The following PLD5 variants were observed in gnomAD, a reference collection of about 807,000 sequenced individuals.
PLD5 encodes inactive phospholipase D5.
Under a neutral mutation model 61.1 loss-of-function variants are expected in PLD5, and 36 were observed. The observed-to-expected ratio is 0.59, with a 90% CI of 0.45 to 0.78. The LOEUF is 0.78. Ranked by LOEUF, PLD5 falls within the 30% of genes least tolerant of loss-of-function variation. The probability of loss-of-function intolerance (pLI) is 0.00; values close to 1 mark genes in which losing one functional copy is unlikely to be tolerated. For missense variants in PLD5, 515 were observed against 644.4 expected, an observed-to-expected ratio of 0.80 and a Z score of 2.17; for synonymous variants, 243 against 242.8, an observed-to-expected ratio of 1.00 and a Z score of -0.01.
At chr1:242,113,209 C>G (rs1661675218) in intron 7 of PLD5, among the ~76,000 whole-genome samples, 1 of 151,526 alleles carries the variant, frequency 6.6e-6, no homozygotes, top group African/African-American at 2.4e-5. Context: ...CCCGCCTCAG[C>G]CTCCCGAGTA....
At chr1:242,324,149 A>G (rs1415794804) in intron 2 of PLD5, among the ~76,000 whole-genome samples, 1 of 151,998 alleles carries the variant, frequency 6.6e-6, no homozygotes, top group East Asian at 1.9e-4. Context: ...TTGTAAATGC[A>G]TTTAAAGAGG....
intron 5 of PLD5, among the ~76,000 whole-genome samples, chr1:242,144,123 C>T (rs558254655): frequency 1.3e-5 from 2 of 152,198 alleles, no homozygotes; most frequent in South Asian, 4.1e-4. Flanking sequence ...CCCACCTTGG[C>T]CTCCCAAAAT....
intron 5 of PLD5, among the ~76,000 whole-genome samples, chr1:242,184,177 C>T (rs1250375237): frequency 2.6e-5 from 4 of 152,152 alleles, no homozygotes. Flanking sequence ...TTACAGCAAA[C>T]ACCAAAATCC....
chr1:242,267,946 C>T (rs190854315), intron 3 of PLD5, among the ~76,000 whole-genome samples: 2 of 149,712 alleles, frequency 1.3e-5, no homozygotes, highest in Non-Finnish European at 3.0e-5. Flanking sequence ...GAGACAGAGG[C>T]AACCAGAGAG....
At chr1:242,362,885 C>T (rs1255708720) in intron 1 of PLD5, among the ~76,000 whole-genome samples, 1 of 152,204 alleles carries the variant, frequency 6.6e-6, no homozygotes, top group African/African-American at 2.4e-5. Flanking sequence ...AAATGTACAT[C>T]ACCAGCCCAG....
At chr1:242,331,938 C>G (rs1216127000) in intron 2 of PLD5, among the ~76,000 whole-genome samples, 1 of 152,092 alleles carries the variant, frequency 6.6e-6, no homozygotes, top group African/African-American at 2.4e-5. Flanking sequence ...GCAGAACGTG[C>G]AGGTTTGTTA....
chr1:242,255,634 G>A (rs1672973149), intron 4 of PLD5, among the ~76,000 whole-genome samples: 1 of 152,192 alleles, frequency 6.6e-6, no homozygotes, highest in Non-Finnish European at 1.5e-5. Context: ...TCAGATTTAG[G>A]AATATATTTT....
At chr1:242,168,650 T>A (rs316894) in intron 5 of PLD5, among the ~76,000 whole-genome samples, 12,748 of 152,152 alleles carry the variant, frequency 0.084, 717 homozygotes, top group African/African-American at 0.16. Context: ...CCAAGCTTGT[T>A]GGGAATGAGT....
chr1:242,083,267 T>C lies in PLD5; in HGVS notation c.*6587A>G, dbSNP rs1259839495. ...GTTCAAACTCCCTAAAAGAGGGCCG[T>C]GATTGGTGGGGCCAGGTACCATCAA... On this transcript the variant is annotated 3_prime_UTR_variant, in exon 10 of 10. Coordinates refer to ENST00000536534, the MANE Select transcript of PLD5 (RefSeq NM_001372062.1). The C allele has an allele frequency of 6.6e-6, 1 of 152,246 alleles. No individual in the cohort carries two copies. Among genetic ancestry groups the C allele is most frequent in the Non-Finnish European group, 1.5e-5 (1 of 68,066 alleles). The allele number at this position is 152,246 out of a possible 1,614,324, so 9.4% of individuals were successfully genotyped here.
intron 1 of PLD5, among the ~76,000 whole-genome samples, chr1:242,458,927 AT>A (rs1441749188): frequency 6.6e-6 from 1 of 152,194 alleles, no homozygotes; most frequent in Non-Finnish European, 1.5e-5. Flanking sequence ...TTTTACATTA[AT>A]TGCAATAATA....
intron 3 of PLD5, among the ~76,000 whole-genome samples, chr1:242,280,889 T>C (rs1266459958): frequency 1.3e-5 from 2 of 152,244 alleles, no homozygotes; most frequent in Non-Finnish European, 2.9e-5. Context: ...ACAAAGTAGA[T>C]GCTGACTGTT....
intron 1 of PLD5, among the ~76,000 whole-genome samples, chr1:242,403,888 A>T (rs1260969765): frequency 6.6e-6 from 1 of 152,056 alleles, no homozygotes; most frequent in Admixed American, 6.6e-5. Flanking sequence ...AACTAGATGA[A>T]CTCTGAGGTT....
intron 2 of PLD5, among the ~76,000 whole-genome samples, chr1:242,289,654 C>A (rs1428677667): frequency 6.6e-6 from 1 of 152,192 alleles, no homozygotes; most frequent in African/African-American, 2.4e-5. Flanking sequence ...TGCACCCAGC[C>A]TCCTGCAATT....
chr1:242,431,377 A>G (rs1240295249), intron 1 of PLD5, among the ~76,000 whole-genome samples: 1 of 152,252 alleles, frequency 6.6e-6, no homozygotes, highest in Non-Finnish European at 1.5e-5. Flanking sequence ...GCCACCATGG[A>G]TAATCTTTTC....
Position 242,303,004 on chromosome 1 carries a change from G to A in PLD5, c.327-14474C>T, listed in dbSNP as rs1287786136. On this transcript the variant is annotated intron_variant, in intron 2 of 9. Coordinates refer to ENST00000536534, the MANE Select transcript of PLD5 (RefSeq NM_001372062.1). ...TCTCCTGGATATTTTGATGGAGTAGGGGACCGAATATCAGAATCTGTGATG... is the reference window on the plus strand; with the variant it reads ...TCTCCTGGATATTTTGATGGAGTAGAGGACCGAATATCAGAATCTGTGATG... Among the ~76,000 whole-genome samples, 6 of 152,072 alleles carry A rather than the reference G, an allele frequency of 3.9e-5. No individual in the cohort carries two copies. The East Asian group carries it at 7.7e-4, about 20-fold the overall frequency.
chr1:242,306,919 T>C (rs181341256), intron 2 of PLD5, among the ~76,000 whole-genome samples: 1 of 152,410 alleles, frequency 6.6e-6, no homozygotes, highest in African/African-American at 2.4e-5. Flanking sequence ...ATAGTGAAAT[T>C]ATACTAAGCT....
At chr1:242,090,238 T>A (rs1659713992) in intron 9 of PLD5, 128 bp from the exon 10 acceptor site, 5 of 1,241,750 alleles carry the variant, frequency 4.0e-6, no homozygotes, top group Non-Finnish European at 5.5e-6. Context: ...AGAGGCTGAA[T>A]TGTGTTGACA....
At position 242,464,368 on chromosome 1, in the gene PLD5, C is replaced by T. The variant is rs539256813; in HGVS notation, c.189+59720G>A. Among the ~76,000 whole-genome samples, 4 of 152,294 alleles carry T rather than the reference C, an allele frequency of 2.6e-5. No individual in the cohort carries two copies. The South Asian group carries it at 8.3e-4, about 32-fold the overall frequency. On this transcript the variant is annotated intron_variant, in intron 1 of 9. Coordinates refer to ENST00000536534, the MANE Select transcript of PLD5 (RefSeq NM_001372062.1). ...ATGTTTAGGAGGCATCTCACCCTGC[C>T]CAAACTCAACGCTGATCATCCCATT... is the stretch of plus-strand genomic sequence containing the variant.
chr1:242,481,688 G>T (rs1667782572), intron 1 of PLD5, among the ~76,000 whole-genome samples: 1 of 152,228 alleles, frequency 6.6e-6, no homozygotes, highest in African/African-American at 2.4e-5. Context: ...AAATGTCCCT[G>T]TTTGACAGCT....
Sources: allele counts gnomAD v4.1 joint callset (sites outside exome capture counted in the v4.1 genomes callset), GRCh38; gene constraint gnomAD v4.1.1; transcripts MANE v1.5; gene names NCBI Gene and HGNC (gene_info 2026-07-23, HGNC 2026-07-21).